ASTN2: variants seen among roughly 807,000 people sequenced by gnomAD.
The protein encoded by ASTN2 is astrotactin-2.
ASTN2 carries 54 observed loss-of-function variants against 139.8 expected under a neutral mutation model. The observed-to-expected ratio is 0.39, with a 90% CI of 0.31 to 0.48. The LOEUF is 0.48. Among genes scored for constraint, ASTN2 ranks in the 20% least tolerant of loss-of-function variants. ASTN2 has a pLI of 0.95. For synonymous variants in ASTN2, 756 were observed against 719.5 expected (o/e 1.05, Z -0.81); for missense variants, 1,565 against 1,725.1 (o/e 0.91, Z 1.64).
intron 3 of ASTN2, among the ~76,000 whole-genome samples, chr9:117,190,321 A>G (rs1328606864): frequency 6.6e-6 from 1 of 152,198 alleles, no homozygotes; most frequent in East Asian, 1.9e-4. Flanking sequence ...ACAAAACAAA[A>G]CAAAACATTA....
At chr9:116,818,737 A>T (rs1828246659) in intron 12 of ASTN2, among the ~76,000 whole-genome samples, 1 of 152,222 alleles carries the variant, frequency 6.6e-6, no homozygotes, top group South Asian at 2.1e-4. Context: ...AAAGCATTTC[A>T]CAAATATTAA....
At chr9:116,785,564 C>T (rs1830348964) in intron 13 of ASTN2, among the ~76,000 whole-genome samples, 1 of 152,148 alleles carries the variant, frequency 6.6e-6, no homozygotes, top group South Asian at 2.1e-4. Flanking sequence ...AAACAAATTT[C>T]TCTTTCTATT....
At chr9:117,029,691 G>A (rs1264028676) in intron 6 of ASTN2, among the ~76,000 whole-genome samples, 1 of 151,670 alleles carries the variant, frequency 6.6e-6, no homozygotes, top group South Asian at 2.1e-4. Flanking sequence ...AAAAAATGAA[G>A]GAGAAAAGGA....
At chr9:117,028,731 G>C (rs1206472182) in intron 6 of ASTN2, among the ~76,000 whole-genome samples, 1 of 152,156 alleles carries the variant, frequency 6.6e-6, no homozygotes, top group Non-Finnish European at 1.5e-5. Context: ...CCCTGTTCAG[G>C]GGGCTGCATG....
At chr9:116,705,894 T>G (rs892164710) in intron 16 of ASTN2, among the ~76,000 whole-genome samples, 5 of 152,136 alleles carry the variant, frequency 3.3e-5, no homozygotes, top group Non-Finnish European at 5.9e-5. Context: ...AGTGAGAAGT[T>G]GGTGCCAGAA....
chr9:116,479,935 G>C (rs1849112864), intron 20 of ASTN2, among the ~76,000 whole-genome samples: 1 of 152,088 alleles, frequency 6.6e-6, no homozygotes, highest in Non-Finnish European at 1.5e-5. Context: ...CTACTTACTA[G>C]CTTTGTGGCG....
chr9:116,729,902 C>G (rs1828732496), intron 14 of ASTN2, among the ~76,000 whole-genome samples: 1 of 152,090 alleles, frequency 6.6e-6, no homozygotes. Context: ...ATGAAAGGTC[C>G]TTTGGAATTC....
chr9:116,472,679 A>C (rs149844068), intron 20 of ASTN2, among the ~76,000 whole-genome samples: 1 of 151,772 alleles, frequency 6.6e-6, no homozygotes, highest in Admixed American at 6.6e-5. Flanking sequence ...TGAGGCAGGC[A>C]GATCATTTGA....
intron 6 of ASTN2, among the ~76,000 whole-genome samples, chr9:117,029,946 T>C (rs1030126291): frequency 1.3e-5 from 2 of 151,948 alleles, no homozygotes; most frequent in Non-Finnish European, 2.9e-5. Context: ...ACCCTCACAG[T>C]TGACAAAATA....
intron 10 of ASTN2, among the ~76,000 whole-genome samples, chr9:116,867,544 T>C (rs1468207173): frequency 4.0e-5 from 4 of 100,982 alleles, no homozygotes; most frequent in Non-Finnish European, 7.4e-5. Flanking sequence ...AGCGAGACTC[T>C]GTCTCAAAAA....
At chr9:117,232,948 C>T (rs920605186) in intron 2 of ASTN2, among the ~76,000 whole-genome samples, 4 of 151,154 alleles carry the variant, frequency 2.6e-5, no homozygotes, top group African/African-American at 9.7e-5. Flanking sequence ...AGGACACTTT[C>T]AATCTGTTGT....
intron 4 of ASTN2, among the ~76,000 whole-genome samples, chr9:117,108,995 G>A (rs1829178532): frequency 6.6e-6 from 1 of 152,072 alleles, no homozygotes; most frequent in African/African-American, 2.4e-5. Context: ...GATAAAATCT[G>A]TCCTTCCGGC....
intron 3 of ASTN2, among the ~76,000 whole-genome samples, chr9:117,186,472 G>A (rs562747076): frequency 8.9e-4 from 135 of 152,208 alleles, no homozygotes; most frequent in Non-Finnish European, 1.7e-3. Context: ...GTGCGGGCCT[G>A]GGAGGCAGAG....
intron 10 of ASTN2, among the ~76,000 whole-genome samples, chr9:116,867,903 A>C (rs976102249): frequency 2.6e-5 from 4 of 152,162 alleles, no homozygotes; most frequent in African/African-American, 7.2e-5. Context: ...TCTTAACTCA[A>C]AGCAGACACT....
chr9:116,652,808 T>G (rs760856850), intron 16 of ASTN2, among the ~76,000 whole-genome samples: 1 of 152,212 alleles, frequency 6.6e-6, no homozygotes, highest in Non-Finnish European at 1.5e-5. Flanking sequence ...TCTTTCTTCA[T>G]GTGCACACTG....
At chr9:117,187,205 AT>A (rs1279576050) in intron 3 of ASTN2, among the ~76,000 whole-genome samples, 1 of 152,136 alleles carries the variant, frequency 6.6e-6, no homozygotes, top group Non-Finnish European at 1.5e-5. Context: ...GATTATGTAC[AT>A]TGTTTTATTT....
At chr9:116,964,263 G>GCGCGCA (rs1282497795) in intron 10 of ASTN2, among the ~76,000 whole-genome samples, 1 of 150,892 alleles carries the variant, frequency 6.6e-6, no homozygotes, top group African/African-American at 2.4e-5. Context: ...GTGTGCGCGC[G>GCGCGCA]CGCGCGTGTG....
rs530157988 is a variant in ASTN2 at position 117,113,222 on chromosome 9, C to T, written c.1169-17071G>A. Among the ~76,000 whole-genome samples the T allele has an allele frequency of 5.9e-5, 9 of 152,176 alleles. No homozygotes were observed. The South Asian group carries it at 1.0e-3, about 17-fold the overall frequency. On this transcript the variant is annotated intron_variant, in intron 4 of 22. Coordinates refer to ENST00000313400, the MANE Select transcript of ASTN2 (RefSeq NM_001365068.1). ...ACAACAACCAAATAACCCAGATATC[C>T]CATTCCTAGTTACACAAGAGAAACA... is the stretch of plus-strand genomic sequence containing the variant.
chr9:116,471,985 AC>A (rs1848827373), intron 20 of ASTN2, among the ~76,000 whole-genome samples: 1 of 151,952 alleles, frequency 6.6e-6, no homozygotes, highest in Non-Finnish European at 1.5e-5. Context: ...ACATGCCATG[AC>A]CTCCATCGTC....
Sources: allele counts gnomAD v4.1 joint callset (sites outside exome capture counted in the v4.1 genomes callset), GRCh38; gene constraint gnomAD v4.1.1; transcripts MANE v1.5; gene names NCBI Gene and HGNC (gene_info 2026-07-23, HGNC 2026-07-21).